The following OSBP variants were observed in gnomAD, a reference collection of about 807,000 sequenced individuals.
OSBP encodes oxysterol binding protein.
In OSBP, 32 loss-of-function variants were observed where a neutral mutation model predicts 96.6. The observed-to-expected ratio is 0.33, with a 90% CI of 0.25 to 0.45. The LOEUF (loss-of-function observed/expected upper bound fraction) is 0.45, where lower values mean the gene tolerates loss of function less well. OSBP is among the 20% of genes least tolerant of loss of function. The pLI is 1.00. For missense variants in OSBP, 653 were observed against 1,029.7 expected, an observed-to-expected ratio of 0.63 and a Z score of 5.01; for synonymous variants, 369 against 389.6, an observed-to-expected ratio of 0.95 and a Z score of 0.62.
intron 12 of OSBP, among the ~76,000 whole-genome samples, chr11:59,577,800 C>T (rs528044245): frequency 6.6e-6 from 1 of 152,286 alleles, no homozygotes; most frequent in East Asian, 1.9e-4. Flanking sequence ...TGCTGATGGG[C>T]CTTTAGGCTA....
intron 9 of OSBP, among the ~76,000 whole-genome samples, chr11:59,583,643 T>TTTG (rs1860452912): frequency 7.4e-6 from 1 of 135,176 alleles, no homozygotes; most frequent in East Asian, 2.0e-4. Flanking sequence ...TGTTTTTTTT[T>TTTG]TTTTTTTTTT....
chr11:59,601,232 T>C (rs369303564), intron 5 of OSBP, 51 bp downstream of exon 5: 2 of 1,001,142 alleles, frequency 2.0e-6, no homozygotes, highest in East Asian at 2.4e-5. Context: ...AATACCACCA[T>C]ATTGATGGTG....
At chr11:59,602,977 A>G (rs1366074338) in intron 3 of OSBP, among the ~76,000 whole-genome samples, 1 of 152,120 alleles carries the variant, frequency 6.6e-6, no homozygotes, top group Non-Finnish European at 1.5e-5. Flanking sequence ...CACTCTACCT[A>G]GAATGTCCAT....
intron 9 of OSBP, among the ~76,000 whole-genome samples, chr11:59,585,445 C>A (rs1275975122): frequency 6.6e-6 from 1 of 151,452 alleles, no homozygotes; most frequent in Non-Finnish European, 1.5e-5. Context: ...CGGCAGCCGC[C>A]CCGTCTGAGA....
intron 9 of OSBP, among the ~76,000 whole-genome samples, chr11:59,583,571 T>G (rs758372531): frequency 2.7e-4 from 41 of 152,156 alleles, no homozygotes; most frequent in Non-Finnish European, 5.3e-4. Context: ...CATGCATTAT[T>G]TCATTTAATA....
At chr11:59,606,033 T>TA (rs1860776313) in intron 3 of OSBP, among the ~76,000 whole-genome samples, 1 of 152,166 alleles carries the variant, frequency 6.6e-6, no homozygotes, top group Non-Finnish European at 1.5e-5. Flanking sequence ...TTGAGGAAAT[T>TA]AGAGAAATTT....
At chr11:59,612,333 T>C (rs1016799408) in intron 1 of OSBP, among the ~76,000 whole-genome samples, 11 of 152,146 alleles carry the variant, frequency 7.2e-5, no homozygotes, top group African/African-American at 2.7e-4. Context: ...TTCAGTTACA[T>C]TATGAATAAT....
chr11:59,609,791 C>T (rs1388931203), intron 2 of OSBP, among the ~76,000 whole-genome samples: 3 of 152,116 alleles, frequency 2.0e-5, no homozygotes, highest in Admixed American at 6.5e-5. Flanking sequence ...TTAACCAATG[C>T]AGCAAAATGA....
chr11:59,582,805 A>G (rs1323314972), intron 9 of OSBP, among the ~76,000 whole-genome samples: 1 of 152,162 alleles, frequency 6.6e-6, no homozygotes, highest in African/African-American at 2.4e-5. Flanking sequence ...GAATGTTTCA[A>G]AGGCCTTGAT....
chr11:59,583,420 T>G (rs1361493497), intron 9 of OSBP, among the ~76,000 whole-genome samples: 2 of 152,202 alleles, frequency 1.3e-5, no homozygotes, highest in Non-Finnish European at 2.9e-5. Context: ...GGTTTAGACA[T>G]GTTTCTTATA....
intron 3 of OSBP, among the ~76,000 whole-genome samples, chr11:59,604,072 C>A (rs1014360863): frequency 1.3e-5 from 2 of 152,188 alleles, no homozygotes; most frequent in African/African-American, 4.8e-5. Context: ...GGGCTCAAAT[C>A]ACAGATCCAT....
At chr11:59,613,821 G>A (rs1860884723) in intron 1 of OSBP, among the ~76,000 whole-genome samples, 1 of 152,176 alleles carries the variant, frequency 6.6e-6, no homozygotes. Flanking sequence ...CCCTGTAAGA[G>A]GACAGGTAAA....
chr11:59,588,256 G>T (rs1474138825), intron 9 of OSBP, among the ~76,000 whole-genome samples: 1 of 152,170 alleles, frequency 6.6e-6, no homozygotes, highest in Non-Finnish European at 1.5e-5. Context: ...TTTTTTGGCT[G>T]GGTGTGGTGG....
At chr11:59,611,064 G>A (rs1323158660) in intron 1 of OSBP, among the ~76,000 whole-genome samples, 2 of 150,944 alleles carry the variant, frequency 1.3e-5, no homozygotes, top group East Asian at 3.9e-4. Context: ...GAACTTGAGA[G>A]GCGGAGTTTG....
chr11:59,601,174 T>C, intron 5 of OSBP, 109 bp downstream of exon 5: 1 of 587,018 alleles, frequency 1.7e-6, no homozygotes, highest in Non-Finnish European at 3.0e-6. Flanking sequence ...ATTATAATAC[T>C]CTCACTGAAA....
intron 9 of OSBP, among the ~76,000 whole-genome samples, chr11:59,583,634 GTTT>G (rs764596509): frequency 1.0e-3 from 65 of 64,318 alleles, no homozygotes; most frequent in African/African-American, 3.9e-3. Flanking sequence ...CTAAATCTCT[GTTT>G]TTTTTTTTTT....
rs1565114036 is a variant in OSBP, at chr11:59,581,493, T to C, written c.1740A>G (p.Thr580=). The C allele has an allele frequency of 6.2e-7, 1 of 1,612,906 alleles. No homozygotes were observed. ...GHHYTWKKVT[T]TVHNIIVGKL... ...TGCCCACAATAATGTTGTGTACAGTTGTGGTAACTTTCTTCCAAGTGTAGT... is the reference window on the plus strand; with the variant it reads ...TGCCCACAATAATGTTGTGTACAGTCGTGGTAACTTTCTTCCAAGTGTAGT... The change falls in exon 10 of 14, where the codon ACA becomes ACG. Residue 580 remains threonine, a synonymous_variant. Transcript: ENST00000263847.
At chr11:59,608,217 TGCAGA>T (rs1465673627) in intron 3 of OSBP, among the ~76,000 whole-genome samples, 2 of 152,196 alleles carry the variant, frequency 1.3e-5, no homozygotes, top group Admixed American at 6.5e-5. Flanking sequence ...TCCTAGTGGT[TGCAGA>T]GCAGTCAGTG....
At chr11:59,600,902 A>G (rs372999567) in intron 5 of OSBP, 29 bp from the exon 6 acceptor site, 145 of 1,597,124 alleles carry the variant, frequency 9.1e-5, no homozygotes, top group Non-Finnish European at 1.2e-4. Context: ...CAGGAGAATT[A>G]GAACAAAGAC....
Sources: gnomAD v4.1 joint callset for allele counts (sites outside exome capture counted in the v4.1 genomes callset) on GRCh38, gnomAD v4.1.1 for gene constraint, MANE v1.5 for transcripts, NCBI Gene and HGNC (gene_info 2026-07-23, HGNC 2026-07-21) for gene names.